The following SHISA6 variants were observed in gnomAD, a reference collection of about 807,000 sequenced individuals.
The protein encoded by SHISA6 is shisa family member 6.
Under a neutral mutation model 47.9 loss-of-function variants are expected in SHISA6, and 22 were observed. The ratio of observed to expected loss-of-function variants is 0.46; its 90% CI spans 0.33 to 0.66. The LOEUF is 0.66. SHISA6 is among the 30% of genes least tolerant of loss of function. The pLI, the probability that SHISA6 is intolerant of heterozygous loss-of-function variation, is 0.02. For synonymous variants in SHISA6, 388 were observed against 337.8 expected (o/e 1.15, Z -1.63); for missense variants, 680 against 764.6 (o/e 0.89, Z 1.30).
intron 3 of SHISA6, among the ~76,000 whole-genome samples, chr17:11,429,079 G>A (rs1056284051): frequency 5.3e-5 from 8 of 152,068 alleles, no homozygotes; most frequent in Non-Finnish European, 1.0e-4. Flanking sequence ...GTGAGCCACC[G>A]TGCCCGGCCA....
intron 2 of SHISA6, among the ~76,000 whole-genome samples, chr17:11,345,004 C>T (rs189504489): frequency 6.6e-4 from 100 of 152,238 alleles, no homozygotes; most frequent in Non-Finnish European, 1.2e-3. Flanking sequence ...AACTATTTAG[C>T]TCCCACATAT....
chr17:11,350,225 G>T (rs1194549022), intron 2 of SHISA6, among the ~76,000 whole-genome samples: 1 of 107,630 alleles, frequency 9.3e-6, no homozygotes, highest in Non-Finnish European at 1.8e-5. Context: ...TGTCGCCCAG[G>T]CTGGAGTGCA....
chr17:11,346,835 CAT>C (rs1247026631), intron 2 of SHISA6, among the ~76,000 whole-genome samples: 1 of 152,178 alleles, frequency 6.6e-6, no homozygotes, highest in African/African-American at 2.4e-5. Flanking sequence ...GAAATACCCA[CAT>C]GATATGTGTC....
rs2072000135 is a variant in SHISA6 at position 11,558,047 on chromosome 17, C to T, written c.1399C>T (p.Pro467Ser). 6.4e-7 allele frequency: 1 copy of T among 1,551,656 alleles called. No homozygotes were observed. The highest frequency in any genetic ancestry group is 2.0e-5 in the Admixed American group (1 of 51,018). Residue 467 changes from proline to serine, a missense_variant, in exon 6 of 6, where the codon CCC (proline) becomes TCC (serine). Around this residue, in one of 2 missense-constraint regions of SHISA6, gnomAD observed 559 missense variants for 674.1 expected, o/e 0.83. Transcript: ENST00000441885. ...PLLSPERTAFPEQSLSRAISH... is the reference protein window; with the variant it reads ...PLLSPERTAFSEQSLSRAISH... ...GCTGTCCCCGGAGCGGACGGCCTTT[C>T]CCGAGCAGTCGCTGTCCAGGGCCAT...
At chr17:11,311,445 A>C (rs1407706273) in intron 2 of SHISA6, among the ~76,000 whole-genome samples, 1 of 152,176 alleles carries the variant, frequency 6.6e-6, no homozygotes, top group Non-Finnish European at 1.5e-5. Flanking sequence ...CTATACTAGT[A>C]AAATGCATTG....
At chr17:11,445,143 G>A (rs374695886) in intron 3 of SHISA6, among the ~76,000 whole-genome samples, 8 of 152,206 alleles carry the variant, frequency 5.3e-5, no homozygotes, top group African/African-American at 1.9e-4. Flanking sequence ...GTTTTTCCCG[G>A]TGGTAGACAA....
chr17:11,393,258 T>C (rs113422040), intron 3 of SHISA6, among the ~76,000 whole-genome samples: 3 of 152,290 alleles, frequency 2.0e-5, no homozygotes, highest in African/African-American at 7.2e-5. Flanking sequence ...CTGCACACTA[T>C]CCTTGACATC....
chr17:11,343,162 T>C (rs2142214512), intron 2 of SHISA6, among the ~76,000 whole-genome samples: 1 of 152,350 alleles, frequency 6.6e-6, no homozygotes, highest in South Asian at 2.1e-4. Flanking sequence ...ATAATTTATT[T>C]AGGATAGTAA....
intron 3 of SHISA6, among the ~76,000 whole-genome samples, chr17:11,434,976 C>G (rs1255801125): frequency 1.3e-5 from 2 of 152,082 alleles, no homozygotes; most frequent in Admixed American, 6.5e-5. Flanking sequence ...TGTTGAAGTC[C>G]TAACCCCAAA....
intron 3 of SHISA6, among the ~76,000 whole-genome samples, chr17:11,524,543 C>A (rs1012642222): frequency 6.7e-6 from 1 of 149,340 alleles, no homozygotes; most frequent in African/African-American, 2.5e-5. Flanking sequence ...TTTGCCCAGG[C>A]TAGAGTGAAA....
intron 2 of SHISA6, among the ~76,000 whole-genome samples, chr17:11,376,491 A>T (rs915467420): frequency 6.6e-6 from 1 of 151,814 alleles, no homozygotes; most frequent in African/African-American, 2.4e-5. Flanking sequence ...CACTTGGCTC[A>T]TTTTTTGTAT....
intron 3 of SHISA6, among the ~76,000 whole-genome samples, chr17:11,532,706 C>T (rs2071746056): frequency 6.8e-6 from 1 of 147,518 alleles, no homozygotes; most frequent in Non-Finnish European, 1.5e-5. Context: ...CCTCCCAAAG[C>T]AGGAGCCCAT....
chr17:11,535,771 G>T (rs1352716090), intron 3 of SHISA6, among the ~76,000 whole-genome samples: 1 of 152,166 alleles, frequency 6.6e-6, no homozygotes, highest in Admixed American at 6.5e-5. Flanking sequence ...GCAACTCAAT[G>T]TCATCTATAA....
At chr17:11,340,082 C>T (rs1228254590) in intron 2 of SHISA6, among the ~76,000 whole-genome samples, 1 of 152,128 alleles carries the variant, frequency 6.6e-6, no homozygotes, top group Admixed American at 6.5e-5. Flanking sequence ...GTATGTTATT[C>T]CCCCTACCAT....
intron 3 of SHISA6, among the ~76,000 whole-genome samples, chr17:11,507,596 T>G (rs1009945519): frequency 7.2e-5 from 11 of 152,302 alleles, no homozygotes; most frequent in African/African-American, 2.6e-4. Flanking sequence ...TCCCTGGATC[T>G]CTGAGAAATG....
chr17:11,445,557 G>A (rs1208086175), intron 3 of SHISA6, among the ~76,000 whole-genome samples: 1 of 152,164 alleles, frequency 6.6e-6, no homozygotes, highest in Non-Finnish European at 1.5e-5. Context: ...TGGTTTTGCT[G>A]TAGGCCATGA....
Position 11,241,924 on chromosome 17 carries a change from G to T in SHISA6, c.502G>T (p.Asp168Tyr). ...VVSPGPENKY[D>Y]PEKDKTNFTV... ...GTCGCCGGGGCCCGAGAACAAGTAC[G>T]ACCCGGAGAAGGACAAGACCAACTT... The change falls in exon 1 of 6, where the codon GAC becomes TAC. Residue 168 changes from aspartate to tyrosine, a missense_variant. By Grantham distance (160) the Asp-to-Tyr change is radical. Transcript: ENST00000441885. This position sits in a 1 kb window ranked among gnomAD's most constrained non-coding sequence, Gnocchi z 5.5. 6.4e-7 allele frequency: 1 copy of T among 1,550,968 alleles called. No individual in the cohort carries two copies.
At chr17:11,514,379 C>T (rs749454520) in intron 3 of SHISA6, among the ~76,000 whole-genome samples, 10 of 152,174 alleles carry the variant, frequency 6.6e-5, no homozygotes, top group South Asian at 4.2e-4. Context: ...TGTTGGTGCC[C>T]GAGATAGCAT....
rs371060734 is a variant in SHISA6, at chr17:11,275,003, C to T, written c.799+11477C>T. Among the ~76,000 whole-genome samples the T allele has an allele frequency of 9.2e-5, 14 of 152,220 alleles. No individual in the cohort carries two copies. In the East Asian group the frequency reaches 1.2e-3, roughly 13 times the overall value. On this transcript the variant is annotated intron_variant, in intron 2 of 5. Coordinates refer to ENST00000441885, the MANE Select transcript of SHISA6 (RefSeq NM_207386.4). ...CGATGCATAAGGGACTAAAGGTTTG[C>T]AGAAGGGCACAGTGATCAATTCCTT...
Sources: allele counts gnomAD v4.1 joint callset (sites outside exome capture counted in the v4.1 genomes callset), GRCh38; gene constraint gnomAD v4.1.1; regional missense constraint gnomAD v4.1.1; non-coding constraint Gnocchi (gnomAD v3.1); transcripts MANE v1.5; gene names NCBI Gene and HGNC (gene_info 2026-07-23, HGNC 2026-07-21).